Variants in MLLT10 observed in about 807,000 individuals in gnomAD.
MLLT10 encodes MLLT10 histone lysine methyltransferase DOT1L cofactor, also known as protein AF-10.
Under a neutral mutation model 129.1 loss-of-function variants are expected in MLLT10, and 30 were observed. The observed-to-expected ratio is 0.23, with a 90% CI of 0.17 to 0.32. The LOEUF (loss-of-function observed/expected upper bound fraction) is 0.32. MLLT10 is among the 10% of genes least tolerant of loss of function. The pLI is 1.00. For synonymous variants in MLLT10, 490 were observed against 446.4 expected, an observed-to-expected ratio of 1.10 and a Z score of -1.23; for missense variants, 1,119 against 1,268.3, an observed-to-expected ratio of 0.88 and a Z score of 1.79.
chr10:21,660,212 C>A (rs1310869061), intron 9 of MLLT10, among the ~76,000 whole-genome samples: 1 of 151,826 alleles, frequency 6.6e-6, no homozygotes, highest in African/African-American at 2.4e-5. Context: ...AGCCATTTGC[C>A]CCCCCTTAAC....
At chr10:21,632,859 C>T (rs774561794) in intron 8 of MLLT10, among the ~76,000 whole-genome samples, 2 of 151,812 alleles carry the variant, frequency 1.3e-5, no homozygotes, top group African/African-American at 2.4e-5. Context: ...TTTTATGTGC[C>T]ACTAAGAAAA....
At chr10:21,588,322 C>T (rs2042191265) in intron 4 of MLLT10, among the ~76,000 whole-genome samples, 1 of 152,174 alleles carries the variant, frequency 6.6e-6, no homozygotes, top group African/African-American at 2.4e-5. Flanking sequence ...CTGCCTCGGC[C>T]TTCCAAAGTG....
chr10:21,675,188 G>A (rs1470251552), intron 11 of MLLT10, among the ~76,000 whole-genome samples: 1 of 152,196 alleles, frequency 6.6e-6, no homozygotes, highest in Non-Finnish European at 1.5e-5. Flanking sequence ...AGATCACATA[G>A]CCAGGAGTTT....
intron 2 of MLLT10, among the ~76,000 whole-genome samples, chr10:21,538,570 A>G (rs1322178513): frequency 1.3e-5 from 2 of 152,020 alleles, no homozygotes; most frequent in Non-Finnish European, 2.9e-5. Context: ...ACCTCCCAAA[A>G]TGCTGGGATT....
Position 21,734,136 on chromosome 10 carries a change from A to G in MLLT10, c.2858+7A>G. The G allele has an allele frequency of 1.3e-6, 2 of 1,585,918 alleles. No homozygotes were observed. The highest frequency in any genetic ancestry group is 1.7e-6 in the Non-Finnish European group (2 of 1,164,646). On this transcript the variant is annotated splice_region_variant and intron_variant, in intron 20 of 22. Transcript: ENST00000307729. ...CAGCTACACTGACTAACAGGTAAGA[A>G]ACTTAAGTATGTTTTGGGTTTTTTA... is the stretch of plus-strand genomic sequence containing the variant.
intron 8 of MLLT10, among the ~76,000 whole-genome samples, chr10:21,632,865 G>GA (rs2047127080): frequency 6.6e-6 from 1 of 151,952 alleles, no homozygotes; most frequent in Admixed American, 6.6e-5. Context: ...GTGCCACTAA[G>GA]AAAAAATCAT....
In MLLT10 at chr10:21,743,098, C is replaced by G. The variant is rs1833877460; in HGVS notation, c.*1115C>G. 4.3e-6 allele frequency: 1 copy of G among 230,612 alleles called. No homozygotes were observed. The highest frequency in any genetic ancestry group is 6.2e-5 in the East Asian group (1 of 16,126). The allele number at this position is 230,612 out of a possible 1,614,324, so 14.3% of individuals were successfully genotyped here. The stretch of plus-strand genomic sequence containing the variant: ...ATGACAGCCCTTCCACTTTGGGGAG[C>G]CACGCTTTTGATGTGACAGTACCGC... On this transcript the variant is annotated 3_prime_UTR_variant, in exon 23 of 23. Transcript: ENST00000307729.
intron 5 of MLLT10, among the ~76,000 whole-genome samples, chr10:21,601,189 C>G (rs1392978804): frequency 2.0e-5 from 3 of 152,154 alleles, no homozygotes; most frequent in Admixed American, 6.6e-5. Flanking sequence ...CAAACAACCC[C>G]CCTGCCTTGG....
At chr10:21,574,566 G>T (rs1200265921) in intron 3 of MLLT10, among the ~76,000 whole-genome samples, 2 of 152,178 alleles carry the variant, frequency 1.3e-5, no homozygotes, top group Non-Finnish European at 2.9e-5. Flanking sequence ...GGAGAGCAGT[G>T]CCATGGCTGC....
At chr10:21,547,133 G>A (rs1360324093) in intron 3 of MLLT10, among the ~76,000 whole-genome samples, 2 of 152,002 alleles carry the variant, frequency 1.3e-5, no homozygotes, top group East Asian at 3.9e-4. Flanking sequence ...GCCTCCCAAA[G>A]TGCTGGGATT....
At chr10:21,683,710 A>G (rs747113299) in intron 13 of MLLT10, among the ~76,000 whole-genome samples, 2 of 151,312 alleles carry the variant, frequency 1.3e-5, no homozygotes, top group African/African-American at 2.4e-5. Flanking sequence ...CCCATCCCCA[A>G]CAGTTAGCTT....
At chr10:21,624,999 G>A in intron 8 of MLLT10, 1 of 1,085,446 alleles carries the variant, frequency 9.2e-7, no homozygotes, top group Non-Finnish European at 1.4e-6. Flanking sequence ...TCCTCTTACT[G>A]CATAGCCACC....
intron 13 of MLLT10, among the ~76,000 whole-genome samples, chr10:21,699,613 A>G (rs1488679971): frequency 6.6e-6 from 1 of 151,354 alleles, no homozygotes; most frequent in Non-Finnish European, 1.5e-5. Flanking sequence ...TTTTCCCAGC[A>G]CCATTTTTTG....
chr10:21,699,966 T>A (rs1165218346), intron 13 of MLLT10, among the ~76,000 whole-genome samples: 1 of 152,180 alleles, frequency 6.6e-6, no homozygotes, highest in Non-Finnish European at 1.5e-5. Flanking sequence ...CTTTTGGCAG[T>A]GTGGTCATTT....
intron 4 of MLLT10, among the ~76,000 whole-genome samples, chr10:21,587,670 G>A (rs2042118491): frequency 6.6e-6 from 1 of 152,074 alleles, no homozygotes; most frequent in Admixed American, 6.6e-5. Flanking sequence ...CTCCATTTTG[G>A]GTAGCCACTT....
At position 21,564,841 on chromosome 10, in the gene MLLT10, G is replaced by A. The variant is rs916985758; in HGVS notation, c.241-21453G>A. Among the ~76,000 whole-genome samples the A allele has an allele frequency of 4.7e-5, 7 of 150,364 alleles. 1 individual carries two copies. The highest frequency in any genetic ancestry group is 2.0e-4 in the Admixed American group (3 of 15,076). On this transcript the variant is annotated intron_variant, in intron 3 of 22. Coordinates refer to ENST00000307729, the MANE Select transcript of MLLT10 (RefSeq NM_001195626.3). The stretch of plus-strand genomic sequence containing the variant: ...CTCCATCTCAAAAAAAAAAAAAAAA[G>A]GTATTCCACTCTTGGTGAGTGGAAT...
intron 13 of MLLT10, among the ~76,000 whole-genome samples, chr10:21,703,266 A>G (rs1027046462): frequency 2.2e-4 from 33 of 151,302 alleles, no homozygotes; most frequent in African/African-American, 8.0e-4. Context: ...ATTTTGCTGT[A>G]TGTAATATCC....
chr10:21,648,327 C>T (rs1367315164), intron 8 of MLLT10, among the ~76,000 whole-genome samples: 2 of 152,128 alleles, frequency 1.3e-5, no homozygotes, highest in Admixed American at 1.3e-4. Flanking sequence ...CACAGAGGAC[C>T]AGAGTTCTTT....
At chr10:21,696,202 GATT>G (rs1246072723) in intron 13 of MLLT10, among the ~76,000 whole-genome samples, 3 of 151,478 alleles carry the variant, frequency 2.0e-5, no homozygotes, top group African/African-American at 7.3e-5. Flanking sequence ...TTATTTTTTT[GATT>G]ATTATTATTT....
Sources: allele counts gnomAD v4.1 joint callset (sites outside exome capture counted in the v4.1 genomes callset), GRCh38; gene constraint gnomAD v4.1.1; transcripts MANE v1.5; gene names NCBI Gene and HGNC (gene_info 2026-07-23, HGNC 2026-07-21).